Variants in TTLL7 observed in about 807,000 individuals in gnomAD.
TTLL7 encodes tubulin polyglutamylase TTLL7.
In TTLL7, 53 loss-of-function variants were observed where a neutral mutation model predicts 120.2. The ratio of observed to expected loss-of-function variants is 0.44; its 90% CI spans 0.35 to 0.55. The LOEUF is 0.55. Ranked by LOEUF, TTLL7 falls within the 20% of genes least tolerant of loss-of-function variation. The probability of loss-of-function intolerance (pLI) is 0.00; values close to 1 mark genes in which losing one functional copy is unlikely to be tolerated. For missense variants in TTLL7, 803 were observed against 1,054.7 expected (o/e 0.76, Z 3.31); for synonymous variants, 353 against 351.7 (o/e 1.00, Z -0.04).
chr1:83,939,119 G>A (rs998192699), intron 7 of TTLL7, among the ~76,000 whole-genome samples: 1 of 152,032 alleles, frequency 6.6e-6, no homozygotes, highest in Non-Finnish European at 1.5e-5. Flanking sequence ...GGGCACTGCG[G>A]ATACAAAGTC....
At chr1:83,964,237 C>A (rs1167509925) in intron 1 of TTLL7, among the ~76,000 whole-genome samples, 1 of 152,096 alleles carries the variant, frequency 6.6e-6, no homozygotes, top group African/African-American at 2.4e-5. Context: ...TCTGGCACCA[C>A]AATCTTTGCC....
At chr1:83,927,506 G>C (rs1436347126) in intron 10 of TTLL7, among the ~76,000 whole-genome samples, 1 of 152,120 alleles carries the variant, frequency 6.6e-6, no homozygotes, top group Non-Finnish European at 1.5e-5. Context: ...GAATGGGCAA[G>C]CTATGTGGGA....
At chr1:83,937,557 T>C (rs1396019152) in intron 8 of TTLL7, among the ~76,000 whole-genome samples, 1 of 152,150 alleles carries the variant, frequency 6.6e-6, no homozygotes, top group Non-Finnish European at 1.5e-5. Context: ...GGCTATACCA[T>C]ATACAGGCTA....
chr1:83,871,556 G>T (rs1008497672), intron 20 of TTLL7, among the ~76,000 whole-genome samples: 9 of 152,128 alleles, frequency 5.9e-5, no homozygotes, highest in African/African-American at 2.2e-4. Flanking sequence ...GAAATAAACA[G>T]TGGGACGGTA....
chr1:83,935,472 A>G (rs1647297433), intron 8 of TTLL7, among the ~76,000 whole-genome samples: 1 of 152,140 alleles, frequency 6.6e-6, no homozygotes, highest in Admixed American at 6.6e-5. Flanking sequence ...TTACAACATA[A>G]TATCACTGCT....
At chr1:83,982,388 A>C (rs1460463046) in intron 1 of TTLL7, among the ~76,000 whole-genome samples, 1 of 152,114 alleles carries the variant, frequency 6.6e-6, no homozygotes, top group Non-Finnish European at 1.5e-5. Flanking sequence ...AAAAATCCAA[A>C]GTAGACAGAA....
chr1:83,907,225 A>G (rs1176694055), intron 16 of TTLL7, among the ~76,000 whole-genome samples: 1 of 152,156 alleles, frequency 6.6e-6, no homozygotes, highest in African/African-American at 2.4e-5. Flanking sequence ...AGAAAATAAA[A>G]TAATGCTATT....
At chr1:83,985,523 T>C (rs187631685) in intron 1 of TTLL7, among the ~76,000 whole-genome samples, 1 of 152,244 alleles carries the variant, frequency 6.6e-6, no homozygotes, top group African/African-American at 2.4e-5. Context: ...TATCTAGGCA[T>C]CCTTCAATCC....
chr1:83,906,753 C>T (rs1191775225), intron 16 of TTLL7, among the ~76,000 whole-genome samples: 1 of 151,910 alleles, frequency 6.6e-6, no homozygotes, highest in Non-Finnish European at 1.5e-5. Flanking sequence ...GCTACATATA[C>T]CTTAGGCAAT....
intron 9 of TTLL7, among the ~76,000 whole-genome samples, chr1:83,931,202 C>T (rs1267580061): frequency 2.0e-5 from 3 of 151,984 alleles, no homozygotes; most frequent in African/African-American, 7.2e-5. Context: ...CAAAATTCAA[C>T]AGCTTGTAAA....
chr1:83,914,479 A>C (rs577991498), intron 14 of TTLL7, among the ~76,000 whole-genome samples: 15 of 151,784 alleles, frequency 9.9e-5, no homozygotes, highest in South Asian at 2.1e-4. Context: ...CTACAGGCGC[A>C]TGCCACCACA....
intron 3 of TTLL7, among the ~76,000 whole-genome samples, chr1:83,950,397 T>A (rs140116698): frequency 6.6e-6 from 1 of 152,312 alleles, no homozygotes; most frequent in East Asian, 1.9e-4. Flanking sequence ...ATCACACCTA[T>A]GCCATACTTT....
intron 18 of TTLL7, among the ~76,000 whole-genome samples, chr1:83,893,386 A>C (rs1475782341): frequency 6.6e-6 from 1 of 151,456 alleles, no homozygotes; most frequent in Non-Finnish European, 1.5e-5. Flanking sequence ...AAAAACAAAA[A>C]GAAAAAAAAA....
At chr1:83,946,872 C>T (rs1438233652) in intron 6 of TTLL7, among the ~76,000 whole-genome samples, 1 of 151,938 alleles carries the variant, frequency 6.6e-6, no homozygotes, top group African/African-American at 2.4e-5. Flanking sequence ...AGCTTTTTCC[C>T]CTTATATTTT....
At chr1:83,976,031 CTCTG>C (rs1462449674) in intron 1 of TTLL7, among the ~76,000 whole-genome samples, 18 of 64,238 alleles carry the variant, frequency 2.8e-4, no homozygotes, top group Admixed American at 4.1e-4. Flanking sequence ...TTTTGTCTCT[CTCTG>C]TGTGTGTGTG....
chr1:83,990,208 G>T (rs1652855387), intron 1 of TTLL7, among the ~76,000 whole-genome samples: 1 of 131,412 alleles, frequency 7.6e-6, no homozygotes, highest in South Asian at 2.3e-4. Flanking sequence ...TCGCTCTGTC[G>T]CCCAGGCCGG....
chr1:83,930,410 G>A (rs1342254378), intron 9 of TTLL7, among the ~76,000 whole-genome samples: 1 of 152,048 alleles, frequency 6.6e-6, no homozygotes, highest in African/African-American at 2.4e-5. Context: ...TTTAAAAGGT[G>A]GTGGACACAT....
In TTLL7 at chr1:83,947,252, G is replaced by T; in HGVS notation, c.378C>A (p.Thr126=). Residue 126 remains threonine, a synonymous_variant, in exon 6 of 21, where the codon ACC becomes ACA. Transcript: ENST00000260505. ...GAAAGATCCAAGTTCGAGGAACAAAGGTATAATCCAGAGGCCGAGACTTGA... is the reference window on the plus strand; with the variant it reads ...GAAAGATCCAAGTTCGAGGAACAAATGTATAATCCAGAGGCCGAGACTTGA... The part of the protein sequence containing the change: ...KMIKSRPLDY[T]FVPRTWIFPA... 1 of 1,610,834 alleles carries T rather than the reference G, an allele frequency of 6.2e-7. No homozygotes were observed. The highest frequency in any genetic ancestry group is 1.1e-5 in the South Asian group (1 of 90,136).
chr1:83,893,694 A>G (rs1209998600), intron 18 of TTLL7, among the ~76,000 whole-genome samples: 2 of 152,116 alleles, frequency 1.3e-5, no homozygotes, highest in Non-Finnish European at 2.9e-5. Flanking sequence ...ATTTAGTAAA[A>G]AGCTTTCAAG....
Sources: gnomAD v4.1 joint callset for allele counts (sites outside exome capture counted in the v4.1 genomes callset) on GRCh38, gnomAD v4.1.1 for gene constraint, MANE v1.5 for transcripts, NCBI Gene and HGNC (gene_info 2026-07-23, HGNC 2026-07-21) for gene names.